ABR: variants seen among roughly 807,000 people sequenced by gnomAD.
ABR encodes ABR activator of RhoGEF and GTPase, also known as active breakpoint cluster region-related protein.
Under a neutral mutation model 107.2 loss-of-function variants are expected in ABR, and 35 were observed. That is an observed-to-expected ratio of 0.33 (90% CI 0.25 to 0.43). The LOEUF is 0.43. ABR is among the 20% of genes least tolerant of loss of function. ABR has a pLI of 1.00. For synonymous variants in ABR, 498 were observed against 462.0 expected (o/e 1.08, Z -1.00); for missense variants, 815 against 1,115.2 (o/e 0.73, Z 3.83).
At chr17:1,145,760 C>T (rs538669679) in intron 1 of ABR, among the ~76,000 whole-genome samples, 1 of 152,354 alleles carries the variant, frequency 6.6e-6, no homozygotes, top group Non-Finnish European at 1.5e-5. Flanking sequence ...TGCACGACCC[C>T]TGCCTTCCAC....
chr17:1,112,292 C>A (rs569096952), intron 2 of ABR, among the ~76,000 whole-genome samples: 1 of 152,238 alleles, frequency 6.6e-6, no homozygotes, highest in Non-Finnish European at 1.5e-5. Context: ...GCAGTGTTCT[C>A]GTTTACCAGC....
chr17:1,069,693 G>C (rs1328427990), intron 9 of ABR, among the ~76,000 whole-genome samples: 1 of 151,994 alleles, frequency 6.6e-6, no homozygotes, highest in Non-Finnish European at 1.5e-5. Context: ...AACCAACAAA[G>C]TTGCTGAAGG....
rs2042041513 is a variant in ABR at position 1,179,455 on chromosome 17, C to G, written c.61+212G>C. On this transcript the variant is annotated intron_variant, in intron 1 of 22. Transcript: ENST00000302538. The surrounding 1 kb of genome is among the most constrained non-coding windows in gnomAD (Gnocchi z 4.9). The stretch of plus-strand genomic sequence containing the variant: ...GACCCCCCGCCCGCGCCCCCCAGAC[C>G]AGCCCGGCTCCTGGGTCCCGACCCC... Among the ~76,000 whole-genome samples, 1 of 151,908 alleles carries G rather than the reference C, an allele frequency of 6.6e-6. No individual in the cohort carries two copies. The highest frequency in any genetic ancestry group is 2.1e-4 in the South Asian group (1 of 4,810).
At chr17:1,136,357 T>C (rs889450637) in intron 1 of ABR, among the ~76,000 whole-genome samples, 3 of 152,208 alleles carry the variant, frequency 2.0e-5, no homozygotes, top group African/African-American at 7.2e-5. Flanking sequence ...GCCTCCTGAG[T>C]AGCTGGGATT....
intron 12 of ABR, 156 bp downstream of exon 12, chr17:1,057,814 A>T: frequency 1.5e-6 from 1 of 647,848 alleles, no homozygotes; most frequent in South Asian, 1.8e-5. Context: ...TTTGGGTCTC[A>T]ATTAATCCGT....
chr17:1,110,929 A>G (rs1013173840), intron 2 of ABR, among the ~76,000 whole-genome samples: 1 of 152,120 alleles, frequency 6.6e-6, no homozygotes, highest in Non-Finnish European at 1.5e-5. Context: ...TTCAGCCACA[A>G]TTCCTCATTT....
chr17:1,180,816 G>C (rs80281848), upstream of ABR, among the ~76,000 whole-genome samples: 9,090 of 152,310 alleles, frequency 0.06, 311 homozygotes, highest in African/African-American at 0.067. Flanking sequence ...CCCCATGCCT[G>C]TCTCCTGTGG....
At chr17:1,035,060 T>A (rs2073065103) in intron 16 of ABR, among the ~76,000 whole-genome samples, 1 of 151,912 alleles carries the variant, frequency 6.6e-6, no homozygotes, top group Non-Finnish European at 1.5e-5. Context: ...ACGCTCATCT[T>A]TCCCTTCCTC....
chr17:1,140,802 C>T (rs2040255268), intron 1 of ABR, among the ~76,000 whole-genome samples: 1 of 152,054 alleles, frequency 6.6e-6, no homozygotes, highest in Non-Finnish European at 1.5e-5. Context: ...AGGCTGGTCT[C>T]GAACTCCTGA....
intron 10 of ABR, among the ~76,000 whole-genome samples, chr17:1,065,638 G>T (rs1257122874): frequency 1.3e-5 from 2 of 152,058 alleles, no homozygotes; most frequent in Admixed American, 1.3e-4. Context: ...ATGGGTACTG[G>T]TATGTAGTAC....
Position 1,010,741 on chromosome 17 carries a change from T to C in ABR, c.2224A>G (p.Met742Val), listed in dbSNP as rs1450251042. 2 of 1,613,664 alleles carry C rather than the reference T, an allele frequency of 1.2e-6. No homozygotes were observed. The highest frequency in any genetic ancestry group is 1.7e-5 in the Admixed American group (1 of 60,018). Residue 742 changes from methionine to valine, a missense_variant, in exon 20 of 23, where the codon ATG (methionine) becomes GTG (valine). By Grantham distance (21) the Met-to-Val change is conservative (BLOSUM62 1). Around this residue, in one of 5 missense-constraint regions of ABR, gnomAD observed 175 missense variants for 284.3 expected, o/e 0.62. Transcript: ENST00000302538. This position sits in a 1 kb window ranked among gnomAD's most constrained non-coding sequence, Gnocchi z 4.1. ...LLTDRLYPAF[M>V]EGIALSDPAA... Reference sequence around the variant, plus strand: ...CTCAGGGCCTCACCGATGCCCTCCATGAAGGCTGGGTAGAGTCGGTCCGTG... The same window carrying C: ...CTCAGGGCCTCACCGATGCCCTCCACGAAGGCTGGGTAGAGTCGGTCCGTG...
chr17:1,014,122 A>C (rs2070910819), intron 16 of ABR, among the ~76,000 whole-genome samples: 1 of 152,186 alleles, frequency 6.6e-6, no homozygotes, highest in Non-Finnish European at 1.5e-5. Flanking sequence ...TACCCCAGCG[A>C]CGTGATACCC....
chr17:1,072,849 C>T, intron 7 of ABR, 95 bp from the exon 8 acceptor site: 1 of 1,405,544 alleles, frequency 7.1e-7, no homozygotes, highest in Non-Finnish European at 9.4e-7. Flanking sequence ...AGGGTGGGCA[C>T]TCAGGGACCT....
chr17:1,047,657 G>A (rs1168503834), intron 16 of ABR, among the ~76,000 whole-genome samples: 1 of 152,226 alleles, frequency 6.6e-6, no homozygotes, highest in African/African-American at 2.4e-5. Context: ...CAACTCCCAG[G>A]CATTTAACAT....
chr17:1,213,960 TC>T (rs1395968589), intron 1 of ABR, among the ~76,000 whole-genome samples: 1 of 151,910 alleles, frequency 6.6e-6, no homozygotes, highest in Non-Finnish European at 1.5e-5. Flanking sequence ...CAATCTCGGC[TC>T]ACTGCATCCT....
At chr17:1,034,299 C>A (rs1007487034) in intron 16 of ABR, among the ~76,000 whole-genome samples, 3 of 152,142 alleles carry the variant, frequency 2.0e-5, no homozygotes, top group African/African-American at 7.2e-5. Context: ...TGGCTGCGTG[C>A]CCGACCCTGG....
At chr17:1,033,758 G>T (rs113201082) in intron 16 of ABR, among the ~76,000 whole-genome samples, 9 of 152,138 alleles carry the variant, frequency 5.9e-5, no homozygotes, top group Non-Finnish European at 1.2e-4. Flanking sequence ...CACCAGCACC[G>T]CCTGAGGGGG....
chr17:1,108,905 C>G (rs200103625), intron 2 of ABR: 9 of 1,564,234 alleles, frequency 5.8e-6, no homozygotes, highest in African/African-American at 2.8e-5. Context: ...CCGGCCCCCC[C>G]CAGCGCCCAG....
chr17:1,096,482 G>A (rs932905461), intron 3 of ABR, among the ~76,000 whole-genome samples: 1 of 152,194 alleles, frequency 6.6e-6, no homozygotes, highest in Non-Finnish European at 1.5e-5. Context: ...GGGGTTCCCA[G>A]CTCAGGGAGG....
Sources: gnomAD v4.1 joint callset for allele counts (sites outside exome capture counted in the v4.1 genomes callset) on GRCh38, gnomAD v4.1.1 for gene constraint, gnomAD v4.1.1 regional missense constraint, Gnocchi (gnomAD v3.1) non-coding constraint, MANE v1.5 for transcripts, NCBI Gene and HGNC (gene_info 2026-07-23, HGNC 2026-07-21) for gene names.